FAM83G: variants seen among roughly 807,000 people sequenced by gnomAD.
FAM83G encodes protein FAM83G.
FAM83G carries 38 observed loss-of-function variants against 61.5 expected under a neutral mutation model. The observed-to-expected ratio is 0.62, with a 90% CI of 0.48 to 0.81. The LOEUF (loss-of-function observed/expected upper bound fraction) is 0.81. FAM83G is among the 30% of genes least tolerant of loss of function. FAM83G has a pLI of 0.00. For synonymous variants in FAM83G, 470 were observed against 476.1 expected, an observed-to-expected ratio of 0.99 and a Z score of 0.17; for missense variants, 989 against 1,133.6, an observed-to-expected ratio of 0.87 and a Z score of 1.83.
chr17:18,990,218 G>C (rs935035291), intron 2 of FAM83G, among the ~76,000 whole-genome samples: 1 of 152,174 alleles, frequency 6.6e-6, no homozygotes, highest in African/African-American at 2.4e-5. Context: ...CCTGACCTAG[G>C]AGATGTTCAA....
chr17:18,977,493 G>A (rs960407608), intron 5 of FAM83G, 91 bp downstream of exon 5: 2 of 1,275,254 alleles, frequency 1.6e-6, no homozygotes, highest in East Asian at 2.3e-5. Flanking sequence ...CAGAGTCAGG[G>A]ACATGGTAGC....
In FAM83G at chr17:18,968,939, C is replaced by G; in HGVS notation, c.*2420G>C. On this transcript the variant is annotated 3_prime_UTR_variant, in exon 6 of 6. Coordinates refer to ENST00000388995, the MANE Select transcript of FAM83G (RefSeq NM_001039999.3). The surrounding 1 kb of genome is among the most constrained non-coding windows in gnomAD (Gnocchi z 4.1). ...AGGCAGGCGAGTGGGGGTCTCCCCT[C>G]CTTATCCACAGGCCACCGAGGCCCA... 1.1e-6 allele frequency: 1 copy of G among 904,004 alleles called. No homozygotes were observed. Among genetic ancestry groups the G allele is most frequent in the Non-Finnish European group, 1.6e-6 (1 of 611,334 alleles). 56.0% of individuals were successfully genotyped at this position (904,004 alleles called of 1,614,324 possible).
chr17:18,973,477 T>C (rs1448316475), intron 5 of FAM83G, among the ~76,000 whole-genome samples: 1 of 152,182 alleles, frequency 6.6e-6, no homozygotes, highest in African/African-American at 2.4e-5. Context: ...CCTCTACCCC[T>C]TGGGCTGGGT....
rs2043016870 is a variant in FAM83G at position 18,977,758 on chromosome 17, T to C, written c.1908A>G (p.Gln636=). Reference sequence around the variant, plus strand: ...GTGGTGGGGTTGGCCCGTTGGCCACTTGCTCTGAGTGGCGCCTCCGGAGAG... The same window carrying C: ...GTGGTGGGGTTGGCCCGTTGGCCACCTGCTCTGAGTGGCGCCTCCGGAGAG... ...SVPLRRRHSE[Q]VANGPTPPPR... Residue 636 remains glutamine, a synonymous_variant, in exon 5 of 6, where the codon CAA becomes CAG. Transcript: ENST00000388995. 2 of 1,604,626 alleles carry C rather than the reference T, an allele frequency of 1.2e-6. No homozygotes were observed. The highest frequency in any genetic ancestry group is 1.7e-5 in the Admixed American group (1 of 59,222).
At position 18,978,156 on chromosome 17, in the gene FAM83G, C is replaced by A. The variant is rs142611543; in HGVS notation, c.1510G>T (p.Val504Leu). ...ACAGGGACTGTCCGGGGCTTGGGCA[C>A]GGGGGGCAATGGCTCAGGGTCCCCC... ...PQGDPEPLPP[V>L]PKPRTVPVAD... Residue 504 changes from valine to leucine, a missense_variant, in exon 5 of 6, where the codon GTG becomes TTG. Val to Leu is a conservative substitution (Grantham distance 32). This residue lies in a region of FAM83G where 574 missense variants were observed against 645.1 expected (regional missense o/e 0.89). Coordinates refer to ENST00000388995, the MANE Select transcript of FAM83G (RefSeq NM_001039999.3). 3.6e-4 allele frequency: 550 copies of A among 1,530,566 alleles called. 5 individuals carry two copies. In the African/African-American group the frequency reaches 6.2e-3, roughly 17 times the overall value. 94.8% of individuals were successfully genotyped at this position (1,530,566 alleles called of 1,614,324 possible). A position where few individuals can be genotyped will look rare whatever the true frequency, so the allele number is the denominator to read the frequency against.
At chr17:19,001,643 C>A (rs565221833) in intron 2 of FAM83G, among the ~76,000 whole-genome samples, 1 of 152,306 alleles carries the variant, frequency 6.6e-6, no homozygotes, top group African/African-American at 2.4e-5. Flanking sequence ...CACTAATAAC[C>A]TTGTGGGACT....
intron 2 of FAM83G, among the ~76,000 whole-genome samples, chr17:19,002,663 T>TA (rs1442951188): frequency 6.6e-6 from 1 of 152,222 alleles, no homozygotes; most frequent in East Asian, 1.9e-4. Flanking sequence ...AGAAGGTACT[T>TA]ACGTGCAGCA....
rs1194847648 is a variant in FAM83G at position 19,004,162 on chromosome 17, T to C, written c.-121A>G. 7 of 936,616 alleles carry C rather than the reference T, an allele frequency of 7.5e-6. No homozygotes were observed. Among genetic ancestry groups the C allele is most frequent in the Admixed American group, 3.1e-5 (1 of 32,110 alleles). The allele number at this position is 936,616 out of a possible 1,614,324, so 58.0% of individuals were successfully genotyped here. Reference sequence around the variant, plus strand: ...TCCGCGGCCTCTGCTTCTCTGCCCATGAGCAATCTGCGGGAAAGACCTGAT... The same window carrying C: ...TCCGCGGCCTCTGCTTCTCTGCCCACGAGCAATCTGCGGGAAAGACCTGAT... On this transcript the variant is annotated 5_prime_UTR_variant, in exon 2 of 6. It removes an upstream start codon present in the reference 5' UTR. Coordinates refer to ENST00000388995, the MANE Select transcript of FAM83G (RefSeq NM_001039999.3). This position sits in a 1 kb window ranked among gnomAD's most constrained non-coding sequence, Gnocchi z 5.4.
chr17:18,979,513 CCT>C, intron 4 of FAM83G, 34 bp downstream of exon 4: 2 of 1,609,044 alleles, frequency 1.2e-6, no homozygotes, highest in Non-Finnish European at 1.7e-6. Flanking sequence ...GCCAGAGGTA[CCT>C]CTCGCACAAC....
intron 5 of FAM83G, among the ~76,000 whole-genome samples, chr17:18,973,250 G>A (rs1348178730): frequency 6.6e-6 from 1 of 152,250 alleles, no homozygotes; most frequent in Non-Finnish European, 1.5e-5. Context: ...TCTCTGGGTG[G>A]AACATCAGTC....
intron 2 of FAM83G, among the ~76,000 whole-genome samples, chr17:19,001,066 G>A (rs1235704495): frequency 1.3e-5 from 2 of 152,200 alleles, no homozygotes; most frequent in African/African-American, 4.8e-5. Flanking sequence ...GAACTAGCTA[G>A]GTGACCTTGG....
At position 19,000,665 on chromosome 17, in the gene FAM83G, C is replaced by T. The variant is rs953795382; in HGVS notation, c.522+2855G>A. Among the ~76,000 whole-genome samples the T allele has an allele frequency of 1.3e-5, 2 of 152,102 alleles. No homozygotes were observed. Among genetic ancestry groups the T allele is most frequent in the Admixed American group, 1.3e-4 (2 of 15,280 alleles). ...CCCAGCAGCCCCAGCCTAAAGCCCCCGGTGGGAAGGGGCCAGTGTGCGGCA... is the reference window on the plus strand; with the variant it reads ...CCCAGCAGCCCCAGCCTAAAGCCCCTGGTGGGAAGGGGCCAGTGTGCGGCA... On this transcript the variant is annotated intron_variant, in intron 2 of 5. Coordinates refer to ENST00000388995, the MANE Select transcript of FAM83G (RefSeq NM_001039999.3). This position sits in a 1 kb window ranked among gnomAD's most constrained non-coding sequence, Gnocchi z 5.2.
In FAM83G at chr17:19,004,210, C is replaced by A. The variant is rs559868311; in HGVS notation, c.-128-41G>T. The A allele has an allele frequency of 2.1e-3, 365 of 177,676 alleles. 6 individuals carry two copies. In the East Asian group the frequency reaches 0.069, roughly 34 times the overall value. 11.0% of individuals were successfully genotyped at this position (177,676 alleles called of 1,614,324 possible). A position where few individuals can be genotyped will look rare whatever the true frequency, so the allele number is the denominator to read the frequency against. ...GATGAGCCCGGCTCGGCGGGGAGGG[C>A]GGGCCGCGCGGGGAGGGGCGGCGGG... On this transcript the variant is annotated intron_variant, in intron 1 of 5. Coordinates refer to ENST00000388995, the MANE Select transcript of FAM83G (RefSeq NM_001039999.3). This position sits in a 1 kb window ranked among gnomAD's most constrained non-coding sequence, Gnocchi z 5.4.
In FAM83G at chr17:18,971,760, A is replaced by G; in HGVS notation, c.2083-12T>C. On this transcript the variant is annotated splice_polypyrimidine_tract_variant and intron_variant, in intron 5 of 5. Transcript: ENST00000388995. The surrounding 1 kb of genome is among the most constrained non-coding windows in gnomAD (Gnocchi z 5.5). ...TGAAACTGCTGGCCCTGGGAGAGAGAGAGCAGAGAGTGAGGCTGAGCAAGA... is the reference window on the plus strand; with the variant it reads ...TGAAACTGCTGGCCCTGGGAGAGAGGGAGCAGAGAGTGAGGCTGAGCAAGA... The G allele has an allele frequency of 6.5e-7, 1 of 1,548,104 alleles. No homozygotes were observed. The highest frequency in any genetic ancestry group is 8.7e-7 in the Non-Finnish European group (1 of 1,145,636).
intron 2 of FAM83G, among the ~76,000 whole-genome samples, chr17:18,991,316 A>T (rs1461640598): frequency 6.6e-6 from 1 of 152,062 alleles, no homozygotes; most frequent in Non-Finnish European, 1.5e-5. Context: ...GGCATCTGGG[A>T]CCACAGCCCC....
Position 18,971,361 on chromosome 17 carries a change from AG to A in FAM83G, c.2469del (p.Ter824SerfsTer58), listed in dbSNP as rs749414732. 1.3e-6 allele frequency: 2 copies of A among 1,558,974 alleles called. No homozygotes were observed. Among genetic ancestry groups the A allele is most frequent in the Non-Finnish European group, 1.7e-6 (2 of 1,158,976 alleles). On this transcript the variant is annotated frameshift_variant, in exon 6 of 6. Transcript: ENST00000388995. LOFTEE classifies it high-confidence loss of function. This position sits in a 1 kb window ranked among gnomAD's most constrained non-coding sequence, Gnocchi z 5.5. ...TGGCTCCAGGCTGGGACATGCTGCT[AG>A]GGGTCTTTGCGGTCCCGGGGGGCTT... is the stretch of plus-strand genomic sequence containing the variant. ...RAQAPRDRKDP is the reference protein window; with the variant it reads ...RAQAPRDRKDX
rs1378912455 is a variant in FAM83G, at chr17:18,969,432, G to A, written c.*1927C>T. The A allele has an allele frequency of 6.2e-7, 1 of 1,612,604 alleles. No individual in the cohort carries two copies. On this transcript the variant is annotated 3_prime_UTR_variant, in exon 6 of 6. Coordinates refer to ENST00000388995, the MANE Select transcript of FAM83G (RefSeq NM_001039999.3). The stretch of plus-strand genomic sequence containing the variant: ...ATCCTGACAATCAAAGGTGAGGACA[G>A]AGTCTGTGGCCATGGCGGGGCTGTC...
intron 3 of FAM83G, among the ~76,000 whole-genome samples, chr17:18,981,828 G>C (rs184414006): frequency 1.3e-5 from 2 of 152,118 alleles, no homozygotes; most frequent in South Asian, 2.1e-4. Flanking sequence ...AGCTGGCCAC[G>C]GCCCAGGACA....
chr17:18,969,408 T>A lies in FAM83G; in HGVS notation c.*1951A>T, dbSNP rs201844800. ...CTCATCATGGTGGTGGGGGCTGTCA[T>A]CCTGACAATCAAAGGTGAGGACAGA... On this transcript the variant is annotated 3_prime_UTR_variant, in exon 6 of 6. Transcript: ENST00000388995. The A allele has an allele frequency of 4.4e-5, 71 of 1,613,750 alleles. 1 individual carries two copies. In the Admixed American group the frequency reaches 1.0e-3, roughly 23 times the overall value.
Sources: gnomAD v4.1 joint callset for allele counts (sites outside exome capture counted in the v4.1 genomes callset) on GRCh38, gnomAD v4.1.1 for gene constraint, gnomAD v4.1.1 regional missense constraint, Gnocchi (gnomAD v3.1) non-coding constraint, MANE v1.5 for transcripts, NCBI Gene and HGNC (gene_info 2026-07-23, HGNC 2026-07-21) for gene names.